Variants in LRP2 observed in about 807,000 individuals in gnomAD.
LRP2 encodes LDL receptor related protein 2, also known as low-density lipoprotein receptor-related protein 2.
A neutral mutation model predicts 531.0 loss-of-function variants in LRP2; 172 were observed. The observed-to-expected ratio is 0.32, with a 90% CI of 0.29 to 0.37. The LOEUF (loss-of-function observed/expected upper bound fraction) is 0.37. Ranked by LOEUF, LRP2 falls within the 10% of genes least tolerant of loss-of-function variation. LRP2 has a pLI of 1.00. For missense variants in LRP2, 5,167 were observed against 5,868.3 expected (o/e 0.88, Z 3.90); for synonymous variants, 1,992 against 2,027.6 (o/e 0.98, Z 0.47).
intron 48 of LRP2, among the ~76,000 whole-genome samples, chr2:169,190,208 T>C (rs1460514116): frequency 6.6e-6 from 1 of 151,908 alleles, no homozygotes; most frequent in Non-Finnish European, 1.5e-5. Context: ...CCACTTTAGG[T>C]GCAAAAAATA....
At chr2:169,334,892 T>C (rs919120121) in intron 1 of LRP2, among the ~76,000 whole-genome samples, 1 of 152,234 alleles carries the variant, frequency 6.6e-6, no homozygotes, top group Non-Finnish European at 1.5e-5. Flanking sequence ...CGTCCCTCCA[T>C]GAAGGGTGGT....
chr2:169,197,080 C>T (rs1337727359), intron 45 of LRP2, 50 bp from the exon 46 acceptor site: 1 of 1,606,044 alleles, frequency 6.2e-7, no homozygotes, highest in Non-Finnish European at 8.5e-7. Flanking sequence ...CAAGCATGTT[C>T]CCATCAGTCT....
rs768392009 is a variant in LRP2 at position 169,128,989 on chromosome 2, C to T, written c.13800+24G>A. 3 of 1,583,572 alleles carry T rather than the reference C, an allele frequency of 1.9e-6. No individual in the cohort carries two copies. The Admixed American group carries it at 5.0e-5, about 26-fold the overall frequency. ...TAATTTCTAAGAAAAAATGTCTGTG[C>T]TAAGAAAAATTGTTAAAAATTACCT... On this transcript the variant is annotated intron_variant, in intron 78 of 78. Transcript: ENST00000649046.
chr2:169,193,163 A>G (rs1408823385), intron 47 of LRP2, among the ~76,000 whole-genome samples: 1 of 152,188 alleles, frequency 6.6e-6, no homozygotes, highest in Non-Finnish European at 1.5e-5. Context: ...GCAGTGGCTC[A>G]TGCTTGTAAT....
At position 169,271,065 on chromosome 2, in the gene LRP2, C is replaced by T. The variant is rs1416667283; in HGVS notation, c.2159G>A (p.Arg720His). 3.7e-6 allele frequency: 6 copies of T among 1,612,940 alleles called. No homozygotes were observed. The African/African-American group carries it at 4.0e-5, about 11-fold the overall frequency. ...FLIFSSQVAI[R>H]GIPFTLSTQE... is the part of the protein sequence containing the mutation. ...GGTAGACAAGGTGAACGGGATCCCA[C>T]GAATAGCAACTTGGGATGAAAAAAT... is the stretch of plus-strand genomic sequence containing the variant. The change falls in exon 16 of 79, where the codon CGT (arginine) becomes CAT (histidine). Residue 720 changes from arginine to histidine, a missense_variant. By Grantham distance (29) the Arg-to-His change is conservative (BLOSUM62 0). Transcript: ENST00000649046.
chr2:169,201,527 GT>G, intron 44 of LRP2, 100 bp downstream of exon 44: 1 of 1,519,838 alleles, frequency 6.6e-7, no homozygotes, highest in Non-Finnish European at 9.0e-7. Context: ...AATACTTAGG[GT>G]TTTTATTTTT....
intron 49 of LRP2, 138 bp downstream of exon 49, chr2:169,187,832 C>T: frequency 1.0e-6 from 1 of 959,674 alleles, no homozygotes; most frequent in East Asian, 2.5e-5. Context: ...CTTTGGTAAC[C>T]TTTTGCTATA....
In LRP2 at chr2:169,279,521, C is replaced by T; in HGVS notation, c.1416G>A (p.Leu472=). 1 of 1,613,894 alleles carries T rather than the reference C, an allele frequency of 6.2e-7. No individual in the cohort carries two copies. Among genetic ancestry groups the T allele is most frequent in the Non-Finnish European group, 8.5e-7 (1 of 1,179,870 alleles). Reference sequence around the variant, plus strand: ...TTTTATTATTAACCCAGTCCACAGCCAGGTTCTCTGGGGTTTCAACAGAAA... The same window carrying T: ...TTTTATTATTAACCCAGTCCACAGCTAGGTTCTCTGGGGTTTCAACAGAAA... ...LNVSVETPEN[L]AVDWVNNKIY... The change falls in exon 12 of 79, where the codon CTG becomes CTA. Residue 472 remains leucine, a synonymous_variant. Coordinates refer to ENST00000649046, the MANE Select transcript of LRP2 (RefSeq NM_004525.3).
chr2:169,138,128 C>G, intron 75 of LRP2, among the ~76,000 whole-genome samples: 1 of 152,152 alleles, frequency 6.6e-6, no homozygotes, highest in Non-Finnish European at 1.5e-5. Context: ...GTGGCAGAGC[C>G]GTGGTCTGGA....
At position 169,175,205 on chromosome 2, in the gene LRP2, G is replaced by C. The variant is rs771998836; in HGVS notation, c.10756C>G (p.Arg3586Gly). The C allele has an allele frequency of 6.2e-7, 1 of 1,614,060 alleles. No homozygotes were observed. The highest frequency in any genetic ancestry group is 1.7e-5 in the Admixed American group (1 of 60,026). Residue 3586 changes from arginine to glycine, a missense_variant, in exon 55 of 79, where the codon CGT becomes GGT. By Grantham distance (125) the Arg-to-Gly change is moderately radical. Coordinates refer to ENST00000649046, the MANE Select transcript of LRP2 (RefSeq NM_004525.3). Reference sequence around the variant, plus strand: ...CGACTCAACACACCACAAAGAAGACGGTCTTCATCAGACCCATCAGGGCAA... The same window carrying C: ...CGACTCAACACACCACAAAGAAGACCGTCTTCATCAGACCCATCAGGGCAA... ...QNCPDGSDED[R>G]LLCENHHCDS...
rs375101432 is a variant in LRP2 at position 169,206,920 on chromosome 2, T to C, written c.6800A>G (p.Asn2267Ser). 28 of 1,614,076 alleles carry C rather than the reference T, an allele frequency of 1.7e-5. No homozygotes were observed. Among genetic ancestry groups the C allele is most frequent in the Non-Finnish European group, 1.9e-5 (23 of 1,180,022 alleles). The stretch of plus-strand genomic sequence containing the variant: ...ACTGCCATAACGAATCACTTCAGAG[T>C]TCTCTCCATTGATACGAATCCTTGC... Reference protein sequence around the residue: ...IIARIRINGENSEVIRYGSRY... With the variant: ...IIARIRINGESSEVIRYGSRY... Residue 2267 changes from asparagine (N) to serine (S), a missense_variant, in exon 39 of 79, where the codon AAC becomes AGC. Transcript: ENST00000649046.
At position 169,185,751 on chromosome 2, in the gene LRP2, G is replaced by T. The variant is rs1240917733; in HGVS notation, c.9597C>A (p.Pro3199=). ...KTCRQNSNIE[P]YLIFSNRYYL... ...AGTAACGGTTGCTAAAAATGAGATAGGGTTCGATGTTACTGTTTTGCCGGC... is the reference window on the plus strand; with the variant it reads ...AGTAACGGTTGCTAAAAATGAGATATGGTTCGATGTTACTGTTTTGCCGGC... Residue 3199 remains proline (P), a synonymous_variant, in exon 50 of 79, where the codon CCC becomes CCA. Transcript: ENST00000649046. The T allele has an allele frequency of 6.2e-7, 1 of 1,613,760 alleles. No homozygotes were observed. Among genetic ancestry groups the T allele is most frequent in the East Asian group, 2.2e-5 (1 of 44,840 alleles).
In LRP2 at chr2:169,259,018, CACTT is replaced by C; in HGVS notation, c.2513+3_2513+6del. On this transcript the variant is annotated splice_donor_5th_base_variant and intron_variant, in intron 17 of 78. Transcript: ENST00000649046. ...TCAAGCTCTTAGGAAAACATGAACACACTTACCCGGCAAAAGGATGAACTACCAC... is the reference window on the plus strand; with the variant it reads ...TCAAGCTCTTAGGAAAACATGAACACACCCGGCAAAAGGATGAACTACCAC... 6.2e-7 allele frequency: 1 copy of C among 1,612,962 alleles called. No individual in the cohort carries two copies.
At position 169,235,932 on chromosome 2, in the gene LRP2, T is replaced by C. The variant is rs1689588187; in HGVS notation, c.4828A>G (p.Arg1610Gly). 1 of 1,614,058 alleles carries C rather than the reference T, an allele frequency of 6.2e-7. No individual in the cohort carries two copies. Among genetic ancestry groups the C allele is most frequent in the South Asian group, 1.1e-5 (1 of 91,090 alleles). ...TAGGAGTCCATGAAGTAGAGCAGTC[T>C]GTTGGGGTAGTCAATAGTTAAGCCG... The part of the protein sequence containing the change: ...PCGLTIDYPN[R>G]LLYFMDSYLD... Residue 1610 changes from arginine (R) to glycine (G), a missense_variant, in exon 29 of 79, where the codon AGA becomes GGA. By Grantham distance (125) the Arg-to-Gly change is moderately radical. Transcript: ENST00000649046.
chr2:169,353,059 A>C (rs1221308914), intron 1 of LRP2, among the ~76,000 whole-genome samples: 2 of 152,174 alleles, frequency 1.3e-5, no homozygotes, highest in African/African-American at 4.8e-5. Flanking sequence ...TTTTTAAAAA[A>C]CACAGATTTT....
At chr2:169,189,305 G>C (rs921155140) in intron 48 of LRP2, among the ~76,000 whole-genome samples, 2 of 152,150 alleles carry the variant, frequency 1.3e-5, no homozygotes, top group African/African-American at 2.4e-5. Flanking sequence ...AACCAGCACT[G>C]CCATCCATAA....
intron 9 of LRP2, 100 bp from the exon 10 acceptor site, chr2:169,283,101 GC>G: frequency 8.2e-7 from 1 of 1,221,746 alleles, no homozygotes; most frequent in Non-Finnish European, 1.2e-6. Flanking sequence ...ATGTGGTGTT[GC>G]CCATGTCTAA....
In LRP2 at chr2:169,140,497, C is replaced by T. The variant is rs1486596228; in HGVS notation, c.13157G>A (p.Gly4386Glu). 6.2e-7 allele frequency: 1 copy of T among 1,614,040 alleles called. No individual in the cohort carries two copies. Among genetic ancestry groups the T allele is most frequent in the Non-Finnish European group, 8.5e-7 (1 of 1,180,022 alleles). Residue 4386 changes from glycine (G) to glutamate (E), a missense_variant, in exon 72 of 79, where the codon GGA becomes GAA. Gly to Glu is a moderately conservative substitution (Grantham distance 98). This residue lies in a region of LRP2 where 348 missense variants were observed against 369.3 expected (regional missense o/e 0.94). Transcript: ENST00000649046. ...NLPPPCRCMH[G>E]GNCYFDETDL... Reference sequence around the variant, plus strand: ...AGTCTCATCAAAATAGCAATTTCCTCCGTGCATGCACCTGCATGGGGGGGG... The same window carrying T: ...AGTCTCATCAAAATAGCAATTTCCTTCGTGCATGCACCTGCATGGGGGGGG...
At chr2:169,341,855 T>C (rs61555954) in intron 1 of LRP2, among the ~76,000 whole-genome samples, 4,016 of 152,262 alleles carry the variant, frequency 0.026, 169 homozygotes, top group African/African-American at 0.091. Context: ...TTTCAGTGTA[T>C]GACCGCTCTT....
Sources: gnomAD v4.1 joint callset for allele counts (sites outside exome capture counted in the v4.1 genomes callset) on GRCh38, gnomAD v4.1.1 for gene constraint, gnomAD v4.1.1 regional missense constraint, MANE v1.5 for transcripts, NCBI Gene and HGNC (gene_info 2026-07-23, HGNC 2026-07-21) for gene names.